RYK: variants seen among roughly 807,000 people sequenced by gnomAD.
RYK encodes receptor like tyrosine kinase, also known as inactive tyrosine-protein kinase RYK.
RYK carries 21 observed loss-of-function variants against 70.2 expected under a neutral mutation model. The observed-to-expected ratio is 0.30, with a 90% CI of 0.21 to 0.43. The LOEUF (loss-of-function observed/expected upper bound fraction) is 0.43, where lower values mean the gene tolerates loss of function less well. Ranked by LOEUF, RYK falls within the 20% of genes least tolerant of loss-of-function variation. The probability of loss-of-function intolerance (pLI) is 1.00; values close to 1 mark genes in which losing one functional copy is unlikely to be tolerated. For synonymous variants in RYK, 267 were observed against 278.0 expected, an observed-to-expected ratio of 0.96 and a Z score of 0.39; for missense variants, 604 against 753.3, an observed-to-expected ratio of 0.80 and a Z score of 2.32.
intron 6 of RYK, among the ~76,000 whole-genome samples, chr3:134,197,180 C>A (rs564989509): frequency 3.3e-5 from 5 of 152,294 alleles, no homozygotes; most frequent in African/African-American, 1.2e-4. Context: ...ATTCATTAGG[C>A]TATCATCTGG....
intron 10 of RYK, 54 bp from the exon 11 acceptor site, chr3:134,178,127 G>T: frequency 1.6e-6 from 2 of 1,241,442 alleles, no homozygotes; most frequent in Non-Finnish European, 2.3e-6. Context: ...AATGTTAGGG[G>T]CTTACTTCTA....
At chr3:134,195,569 C>G (rs1305152559) in intron 6 of RYK, among the ~76,000 whole-genome samples, 2 of 152,208 alleles carry the variant, frequency 1.3e-5, no homozygotes, top group Non-Finnish European at 2.9e-5. Context: ...AGACAGGCCT[C>G]TTTCAATGAT....
Position 134,185,387 on chromosome 3 carries a change from CAT to C in RYK, c.1103-2318_1103-2317del, listed in dbSNP as rs572380802. On this transcript the variant is annotated intron_variant, in intron 9 of 14. Coordinates refer to ENST00000623711, the MANE Select transcript of RYK (RefSeq NM_002958.4). ...CTTCCACATCTACCCATTGGAATCT[CAT>C]TCCTGCTTCACTTCGTCTTGCTTCA... is the stretch of plus-strand genomic sequence containing the variant. Among the ~76,000 whole-genome samples the C allele has an allele frequency of 4.8e-3, 737 of 152,334 alleles. 8 individuals carry two copies. Among genetic ancestry groups the C allele is most frequent in the African/African-American group, 0.016 (671 of 41,582 alleles).
intron 1 of RYK, among the ~76,000 whole-genome samples, chr3:134,226,639 C>T (rs910797015): frequency 6.6e-6 from 1 of 152,060 alleles, no homozygotes; most frequent in Non-Finnish European, 1.5e-5. Flanking sequence ...AAAGGATTAA[C>T]ACATCATGAC....
At chr3:134,166,464 C>T (rs987557684) in intron 13 of RYK, among the ~76,000 whole-genome samples, 1 of 152,174 alleles carries the variant, frequency 6.6e-6, no homozygotes. Flanking sequence ...AACTCAACTT[C>T]AAACATCAGC....
At chr3:134,246,349 G>C (rs7429840) in intron 1 of RYK, among the ~76,000 whole-genome samples, 8 of 122,820 alleles carry the variant, frequency 6.5e-5, no homozygotes, top group East Asian at 2.3e-4. Context: ...CACACAGAGA[G>C]AGAGAAAATA....
At position 134,250,674 on chromosome 3, in the gene RYK, G is replaced by A; in HGVS notation, c.-20C>T. 1 of 975,820 alleles carries A rather than the reference G, an allele frequency of 1.0e-6. No homozygotes were observed. Among genetic ancestry groups the A allele is most frequent in the Non-Finnish European group, 1.2e-6 (1 of 823,976 alleles). The allele number at this position is 975,820 out of a possible 1,614,324, so 60.4% of individuals were successfully genotyped here. A position where few individuals can be genotyped will look rare whatever the true frequency, so the allele number is the denominator to read the frequency against. On this transcript the variant is annotated 5_prime_UTR_variant, in exon 1 of 15. Transcript: ENST00000623711. ...ACGCATGGCCGCCGCCGCCGCCGCC[G>A]AAGAGGAGCGTCGGCCGCCCGCCGC...
chr3:134,246,881 A>C (rs2015481061), intron 1 of RYK, among the ~76,000 whole-genome samples: 1 of 152,180 alleles, frequency 6.6e-6, no homozygotes, highest in Admixed American at 6.5e-5. Flanking sequence ...CAGAAAAAAT[A>C]ATCGTACTAT....
rs142410438 is a variant in RYK, at chr3:134,218,007, C to T, written c.354+4411G>A. 8.5e-5 allele frequency among the ~76,000 whole-genome samples: 13 copies of T among 152,146 alleles called. No individual in the cohort carries two copies. The South Asian group carries it at 1.0e-3, about 12-fold the overall frequency. On this transcript the variant is annotated intron_variant, in intron 2 of 14. Transcript: ENST00000623711. ...CCTTAGTTTTTTACTAAAAAAACAT[C>T]GTAAGACGGTTACTTTCCTCTAAAT...
At chr3:134,221,581 A>G (rs893286112) in intron 2 of RYK, among the ~76,000 whole-genome samples, 4 of 152,142 alleles carry the variant, frequency 2.6e-5, no homozygotes, top group Non-Finnish European at 5.9e-5. Flanking sequence ...GTAGAAAAAA[A>G]TGAAGATTTT....
chr3:134,250,338 A>T (rs1234921027), intron 1 of RYK, 85 bp downstream of exon 1: 1 of 801,176 alleles, frequency 1.2e-6, no homozygotes, highest in South Asian at 3.6e-5. Context: ...CCCGAGGTCC[A>T]CGGCTCGCAG....
At chr3:134,249,162 AC>A (rs1215008793) in intron 1 of RYK, among the ~76,000 whole-genome samples, 1 of 152,226 alleles carries the variant, frequency 6.6e-6, no homozygotes, top group Non-Finnish European at 1.5e-5. Flanking sequence ...TCCAAGTACT[AC>A]CCCAAGTAGA....
chr3:134,238,696 A>T (rs1031548760), intron 1 of RYK, among the ~76,000 whole-genome samples: 30 of 152,332 alleles, frequency 2.0e-4, no homozygotes, highest in Non-Finnish European at 3.7e-4. Context: ...AAATGTTAGA[A>T]TACAAGCAAG....
chr3:134,196,812 A>C (rs1389218864), intron 6 of RYK, among the ~76,000 whole-genome samples: 1 of 152,158 alleles, frequency 6.6e-6, no homozygotes, highest in Non-Finnish European at 1.5e-5. Flanking sequence ...CATCTGTAGA[A>C]AGTCATAGCA....
chr3:134,241,109 GA>G (rs1402187756), intron 1 of RYK, among the ~76,000 whole-genome samples: 2 of 144,092 alleles, frequency 1.4e-5, no homozygotes, highest in African/African-American at 2.6e-5. Context: ...GTGGGGGAGG[GA>G]AATCACTTGA....
At chr3:134,229,334 C>A (rs1043341445) in intron 1 of RYK, among the ~76,000 whole-genome samples, 1 of 149,858 alleles carries the variant, frequency 6.7e-6, no homozygotes, top group African/African-American at 2.5e-5. Flanking sequence ...TTCCCCCAAC[C>A]CCTTCTGTCT....
intron 14 of RYK, among the ~76,000 whole-genome samples, chr3:134,158,787 G>A (rs1576497675): frequency 1.3e-5 from 2 of 152,234 alleles, no homozygotes; most frequent in East Asian, 3.9e-4. Flanking sequence ...ATAGAAGCAG[G>A]AAACAGAAAG....
chr3:134,183,748 A>C (rs936764626), intron 9 of RYK, among the ~76,000 whole-genome samples: 2 of 152,232 alleles, frequency 1.3e-5, no homozygotes, highest in Non-Finnish European at 2.9e-5. Context: ...ACAATGTAAT[A>C]AGAGCACTGT....
intron 6 of RYK, among the ~76,000 whole-genome samples, chr3:134,195,960 T>G (rs939354322): frequency 6.6e-5 from 10 of 151,216 alleles, no homozygotes; most frequent in African/African-American, 2.2e-4. Context: ...AAAAAAAAAG[T>G]ATCAAATTTG....
Sources: gnomAD v4.1 joint callset for allele counts (sites outside exome capture counted in the v4.1 genomes callset) on GRCh38, gnomAD v4.1.1 for gene constraint, MANE v1.5 for transcripts, NCBI Gene and HGNC (gene_info 2026-07-23, HGNC 2026-07-21) for gene names.